The following TTC17 variants were observed in gnomAD, a reference collection of about 807,000 sequenced individuals.
The protein encoded by TTC17 is tetratricopeptide repeat domain 17.
A neutral mutation model predicts 143.8 loss-of-function variants in TTC17; 58 were observed. That is an observed-to-expected ratio of 0.40 (90% CI 0.33 to 0.50). TTC17 has a LOEUF of 0.50. TTC17 is among the 20% of genes least tolerant of loss of function. The probability of loss-of-function intolerance (pLI) is 0.49; values close to 1 mark genes in which losing one functional copy is unlikely to be tolerated. For synonymous variants in TTC17, 501 were observed against 497.8 expected (o/e 1.01, Z -0.09); for missense variants, 1,273 against 1,392.5 (o/e 0.91, Z 1.37).
chr11:43,414,567 T>G lies in TTC17; in HGVS notation c.2065-23T>G, dbSNP rs754801075. On this transcript the variant is annotated intron_variant, in intron 15 of 23. Coordinates refer to ENST00000039989, the MANE Select transcript of TTC17 (RefSeq NM_018259.6). ...AGAAAATATTAGTTCATTAACATTT[T>G]GCCGATTTTTTTTTCTTTTCAGCCT... 2.5e-6 allele frequency: 4 copies of G among 1,585,164 alleles called. No homozygotes were observed. In the East Asian group the frequency reaches 9.0e-5, roughly 36 times the overall value.
chr11:43,446,280 C>A, intron 18 of TTC17: 1 of 772,040 alleles, frequency 1.3e-6, no homozygotes, highest in Non-Finnish European at 1.7e-6. Context: ...AAATCAAGTG[C>A]CATCTCTTCC....
chr11:43,489,286 T>A (rs146369657), intron 21 of TTC17, among the ~76,000 whole-genome samples: 3 of 152,292 alleles, frequency 2.0e-5, no homozygotes, highest in African/African-American at 7.2e-5. Flanking sequence ...CTAACAAATA[T>A]GGAAGAATGG....
chr11:43,427,744 A>G (rs1193227966), intron 16 of TTC17, among the ~76,000 whole-genome samples: 1 of 152,136 alleles, frequency 6.6e-6, no homozygotes, highest in Non-Finnish European at 1.5e-5. Context: ...ATCTGTGTAC[A>G]TCATACAACT....
intron 16 of TTC17, among the ~76,000 whole-genome samples, chr11:43,439,414 T>G (rs1385810662): frequency 6.6e-6 from 1 of 152,086 alleles, no homozygotes; most frequent in East Asian, 1.9e-4. Context: ...ATTACAAGCT[T>G]CTTTTTGTTT....
At chr11:43,363,676 G>T (rs1423274887) in intron 1 of TTC17, among the ~76,000 whole-genome samples, 1 of 152,216 alleles carries the variant, frequency 6.6e-6, no homozygotes, top group Non-Finnish European at 1.5e-5. Flanking sequence ...TAAAGATTAT[G>T]TAGTACAACT....
At chr11:43,475,139 A>C (rs1022104554) in intron 21 of TTC17, among the ~76,000 whole-genome samples, 1 of 152,244 alleles carries the variant, frequency 6.6e-6, no homozygotes, top group Non-Finnish European at 1.5e-5. Context: ...GTATTTGACT[A>C]TACATCCCTA....
chr11:43,399,815 C>A, intron 8 of TTC17, 73 bp from the exon 9 acceptor site: 1 of 1,454,336 alleles, frequency 6.9e-7, no homozygotes, highest in Non-Finnish European at 9.2e-7. Context: ...CCAGAAAAAT[C>A]TGTGCATTTA....
chr11:43,472,703 A>G (rs923503324), intron 21 of TTC17, among the ~76,000 whole-genome samples: 2 of 152,184 alleles, frequency 1.3e-5, no homozygotes. Flanking sequence ...ATCAACTGTG[A>G]CAAACTACTC....
At chr11:43,448,191 TC>T in intron 19 of TTC17, 69 bp downstream of exon 19, 11 of 1,587,964 alleles carry the variant, frequency 6.9e-6, no homozygotes, top group Non-Finnish European at 9.4e-6. Context: ...ACTTTAAGGA[TC>T]CCCTCTTAGC....
At chr11:43,421,122 T>G (rs1338721893) in intron 16 of TTC17, among the ~76,000 whole-genome samples, 1 of 152,036 alleles carries the variant, frequency 6.6e-6, no homozygotes, top group East Asian at 1.9e-4. Flanking sequence ...ATAAACATAA[T>G]AAATCATTTA....
rs779730136 is a variant in TTC17 at position 43,443,341 on chromosome 11, G to A, written c.2268G>A (p.Glu756=). The A allele has an allele frequency of 2.0e-5, 32 of 1,613,936 alleles. No individual in the cohort carries two copies. The highest frequency in any genetic ancestry group is 2.5e-5 in the Non-Finnish European group (30 of 1,179,988). The part of the protein sequence containing the change: ...SSVCSGTVVE[E]SNGSDEMENS... ...GAATTTCAGGTACGGTGGTTGAGGA[G>A]AGCAATGGTTCTGATGAGATGGAGA... Residue 756 remains glutamate, a synonymous_variant, in exon 17 of 24, where the codon GAG becomes GAA. Transcript: ENST00000039989.
At chr11:43,480,791 G>A (rs1948270978) in intron 21 of TTC17, among the ~76,000 whole-genome samples, 2 of 151,372 alleles carry the variant, frequency 1.3e-5, no homozygotes, top group Admixed American at 1.3e-4. Flanking sequence ...TAAAATTTAA[G>A]GGTATCATTA....
chr11:43,362,453 C>A (rs570839341), intron 1 of TTC17, among the ~76,000 whole-genome samples: 2 of 152,116 alleles, frequency 1.3e-5, no homozygotes, highest in Non-Finnish European at 2.9e-5. Flanking sequence ...TGTCAACATG[C>A]GTATGTATTG....
intron 21 of TTC17, among the ~76,000 whole-genome samples, chr11:43,454,775 TA>T (rs1947730663): frequency 6.6e-6 from 1 of 152,044 alleles, no homozygotes; most frequent in African/African-American, 2.4e-5. Context: ...AATAAATTTG[TA>T]ATAATAATTA....
intron 21 of TTC17, among the ~76,000 whole-genome samples, chr11:43,480,047 G>A (rs1397671632): frequency 6.6e-6 from 1 of 152,210 alleles, no homozygotes; most frequent in East Asian, 1.9e-4. Flanking sequence ...TAGTGCACAT[G>A]TTTGCTGAAC....
chr11:43,466,569 C>A, intron 21 of TTC17: 1 of 255,854 alleles, frequency 3.9e-6, no homozygotes. Flanking sequence ...GTTTATATGC[C>A]AGGGTGATGA....
At position 43,401,550 on chromosome 11, in the gene TTC17, T is replaced by C; in HGVS notation, c.1324T>C (p.Tyr442His). 4 of 1,606,938 alleles carry C rather than the reference T, an allele frequency of 2.5e-6. No individual in the cohort carries two copies. In the South Asian group the frequency reaches 3.3e-5, roughly 13 times the overall value. Residue 442 changes from tyrosine (Y) to histidine (H), a missense_variant, in exon 10 of 24, where the codon TAT (tyrosine) becomes CAT (histidine). Around this residue, in one of 3 missense-constraint regions of TTC17, gnomAD observed 878 missense variants for 899.8 expected, o/e 0.98. Coordinates refer to ENST00000039989, the MANE Select transcript of TTC17 (RefSeq NM_018259.6). ...HRGDIFENVDYVQFGEDSSTS... is the reference protein window; with the variant it reads ...HRGDIFENVDHVQFGEDSSTS... ...TGGAGATATCTTTGAAAATGTGGAC[T>C]ATGTTCAGGTCTTTTTCTTGGTCCA...
At chr11:43,453,265 C>G (rs891335888) in intron 21 of TTC17, among the ~76,000 whole-genome samples, 6 of 151,936 alleles carry the variant, frequency 3.9e-5, no homozygotes, top group African/African-American at 1.5e-4. Flanking sequence ...GAGTCTTATT[C>G]TATTTCTATA....
At chr11:43,365,569 G>C (rs759630115) in intron 1 of TTC17, among the ~76,000 whole-genome samples, 8 of 152,184 alleles carry the variant, frequency 5.3e-5, no homozygotes, top group Non-Finnish European at 8.8e-5. Flanking sequence ...TGCCTGGCCA[G>C]CTCATCTCCT....
Sources: gnomAD v4.1 joint callset for allele counts (sites outside exome capture counted in the v4.1 genomes callset) on GRCh38, gnomAD v4.1.1 for gene constraint, gnomAD v4.1.1 regional missense constraint, MANE v1.5 for transcripts, NCBI Gene and HGNC (gene_info 2026-07-23, HGNC 2026-07-21) for gene names.